The following PAFAH1B1 variants were observed in gnomAD, a reference collection of about 807,000 sequenced individuals.
PAFAH1B1 encodes the protein platelet-activating factor acetylhydrolase IB subunit beta.
A neutral mutation model predicts 57.5 loss-of-function variants in PAFAH1B1; 2 were observed. The ratio of observed to expected loss-of-function variants is 0.03; its 90% CI spans 0.01 to 0.11. The LOEUF is 0.11. Among genes scored for constraint, PAFAH1B1 ranks in the 10% least tolerant of loss-of-function variants. The pLI is 1.00. For missense variants in PAFAH1B1, 257 were observed against 512.0 expected, an observed-to-expected ratio of 0.50 and a Z score of 4.81; for synonymous variants, 152 against 169.6, an observed-to-expected ratio of 0.90 and a Z score of 0.81.
chr17:2,640,778 G>A (rs779335768), intron 2 of PAFAH1B1: 1 of 152,088 alleles, frequency 6.6e-6, no homozygotes, highest in Non-Finnish European at 1.5e-5. Context: ...TTCTTGGCCA[G>A]AATACTACAT....
Position 2,676,514 on chromosome 17 carries a change from A to G in PAFAH1B1, c.910A>G (p.Ser304Gly), listed in dbSNP as rs757738669. The G allele has an allele frequency of 2.5e-6, 4 of 1,608,230 alleles. No individual in the cohort carries two copies. Among genetic ancestry groups the G allele is most frequent in the South Asian group, 1.1e-5 (1 of 90,970 alleles). ...ATTATGTTTTCTGTAGACTAAAAAA[A>G]GTGGTAAACCTGGGCCATTCTTGCT... ...SEATGSETKK[S>G]GKPGPFLLSG... The change falls in exon 9 of 11, where the codon AGT becomes GGT. Residue 304 changes from serine to glycine, a missense_variant. Transcript: ENST00000397195.
intron 1 of PAFAH1B1, among the ~76,000 whole-genome samples, chr17:2,637,585 A>G (rs1032775043): frequency 3.9e-5 from 6 of 152,162 alleles, no homozygotes; most frequent in African/African-American, 1.4e-4. Context: ...CCAAAAAAAC[A>G]ATAAAAAGCG....
chr17:2,646,706 G>C (rs2068774543), intron 2 of PAFAH1B1, among the ~76,000 whole-genome samples: 1 of 152,012 alleles, frequency 6.6e-6, no homozygotes, highest in South Asian at 2.1e-4. Flanking sequence ...GCTTTTTCTA[G>C]GAAAATATGT....
At chr17:2,650,038 G>C (rs1399513745) in intron 2 of PAFAH1B1, among the ~76,000 whole-genome samples, 1 of 152,092 alleles carries the variant, frequency 6.6e-6, no homozygotes, top group Non-Finnish European at 1.5e-5. Flanking sequence ...AGAAACAAAA[G>C]GAAGACTGGT....
At chr17:2,679,895 C>A in intron 9 of PAFAH1B1, 1 of 446,626 alleles carries the variant, frequency 2.2e-6, no homozygotes, top group Non-Finnish European at 4.0e-6. Flanking sequence ...CATTGATAGA[C>A]TACATATTGA....
chr17:2,604,522 A>G (rs1483507836), intron 1 of PAFAH1B1, among the ~76,000 whole-genome samples: 1 of 152,134 alleles, frequency 6.6e-6, no homozygotes, highest in African/African-American at 2.4e-5. Context: ...TGAAGAATGA[A>G]TAATTGGGCC....
At chr17:2,664,816 A>T (rs938888736) in intron 2 of PAFAH1B1, among the ~76,000 whole-genome samples, 1 of 152,116 alleles carries the variant, frequency 6.6e-6, no homozygotes, top group Non-Finnish European at 1.5e-5. Context: ...TCAAGTTCTA[A>T]TTCTAAATGA....
intron 2 of PAFAH1B1, among the ~76,000 whole-genome samples, chr17:2,660,436 T>G (rs1018280179): frequency 1.3e-5 from 2 of 152,094 alleles, no homozygotes; most frequent in Non-Finnish European, 1.5e-5. Flanking sequence ...GGGTGTGTGT[T>G]GTTCCCCTCC....
rs529528465 is a variant in PAFAH1B1 at position 2,617,412 on chromosome 17, T to C, written c.-190-20687T>C. On this transcript the variant is annotated intron_variant, in intron 1 of 10. Coordinates refer to ENST00000397195, the MANE Select transcript of PAFAH1B1 (RefSeq NM_000430.4). ...AAGTATAGTGGTTAGCTGTAACTAA[T>C]AGAAAAGCGAGGAGATGGTGAAGCT... Among the ~76,000 whole-genome samples the C allele has an allele frequency of 1.8e-3, 276 of 152,312 alleles. 1 individual carries two copies. The highest frequency in any genetic ancestry group is 6.3e-3 in the African/African-American group (260 of 41,564).
intron 1 of PAFAH1B1, among the ~76,000 whole-genome samples, chr17:2,620,224 T>C (rs2068401881): frequency 6.6e-6 from 1 of 152,236 alleles, no homozygotes; most frequent in Non-Finnish European, 1.5e-5. Context: ...TTTGGTGAGT[T>C]GATTGTCTAA....
intron 7 of PAFAH1B1, among the ~76,000 whole-genome samples, chr17:2,673,415 G>A (rs1008467047): frequency 5.9e-5 from 9 of 152,058 alleles, no homozygotes; most frequent in South Asian, 4.1e-4. Flanking sequence ...AGAGGCGGGC[G>A]GATCATGAGG....
At chr17:2,594,556 G>C (rs2068063491) in intron 1 of PAFAH1B1, among the ~76,000 whole-genome samples, 1 of 152,170 alleles carries the variant, frequency 6.6e-6, no homozygotes, top group African/African-American at 2.4e-5. Context: ...GTCCCCGACT[G>C]GTCCTTAAGA....
chr17:2,636,965 C>T (rs1190775966), intron 1 of PAFAH1B1, among the ~76,000 whole-genome samples: 1 of 152,092 alleles, frequency 6.6e-6, no homozygotes, highest in Non-Finnish European at 1.5e-5. Context: ...AAGTGATCCT[C>T]TTGCCTTAAC....
At position 2,684,503 on chromosome 17, in the gene PAFAH1B1, C is replaced by T. The variant is rs2069441534; in HGVS notation, c.*2701C>T. 1 of 152,622 alleles carries T rather than the reference C, an allele frequency of 6.6e-6. No individual in the cohort carries two copies. Among genetic ancestry groups the T allele is most frequent in the African/African-American group, 2.4e-5 (1 of 41,428 alleles). The allele number at this position is 152,622 out of a possible 1,614,324, so 9.5% of individuals were successfully genotyped here. ...AATAAAGAGCTGGTAGAATTGCATC[C>T]TCAGATGATTATTGACTGTGTGTGT... On this transcript the variant is annotated 3_prime_UTR_variant, in exon 11 of 11. Transcript: ENST00000397195.
At chr17:2,659,861 C>G (rs575920198) in intron 2 of PAFAH1B1, among the ~76,000 whole-genome samples, 1 of 152,078 alleles carries the variant, frequency 6.6e-6, no homozygotes, top group Non-Finnish European at 1.5e-5. Context: ...GCCTTGTTAC[C>G]TGTTTGAGAC....
At chr17:2,604,538 T>C (rs549766385) in intron 1 of PAFAH1B1, among the ~76,000 whole-genome samples, 1 of 152,162 alleles carries the variant, frequency 6.6e-6, no homozygotes, top group South Asian at 2.1e-4. Context: ...GGGCCAGGCG[T>C]GGTGGCTTAC....
rs534219431 is a variant in PAFAH1B1, at chr17:2,621,607, CTTTTTTTTTTT to C, written c.-190-16466_-190-16456del. ...TATTCAAGCATGGTAGATAATCTGT[CTTTTTTTTTTT>C]TTTTTTTTTTTTTTTTTTTTTTTTT... On this transcript the variant is annotated intron_variant, in intron 1 of 10. Transcript: ENST00000397195. Among the ~76,000 whole-genome samples, 6 of 84,784 alleles carry C rather than the reference CTTTTTTTTTTT, an allele frequency of 7.1e-5. No homozygotes were observed. The East Asian group carries it at 1.0e-3, about 14-fold the overall frequency. The allele number at this position is 84,784 out of a possible 152,430, so 55.6% of individuals were successfully genotyped here.
chr17:2,653,479 A>G lies in PAFAH1B1; in HGVS notation c.33-11893A>G, dbSNP rs1044379321. On this transcript the variant is annotated intron_variant, in intron 2 of 10. Transcript: ENST00000397195. ...TTTGTGATCTATAATAAGGCATGAA[A>G]GTAATTTTTAGATCTTGTTAGTGAC... Among the ~76,000 whole-genome samples the G allele has an allele frequency of 1.2e-4, 19 of 152,092 alleles. 1 individual carries two copies. The highest frequency in any genetic ancestry group is 9.2e-4 in the Admixed American group (14 of 15,266).
At chr17:2,609,386 C>T (rs1019999983) in intron 1 of PAFAH1B1, among the ~76,000 whole-genome samples, 5 of 152,058 alleles carry the variant, frequency 3.3e-5, no homozygotes, top group African/African-American at 1.2e-4. Flanking sequence ...TGTTTATTAT[C>T]GCCCTTGTAT....
Sources: gnomAD v4.1 joint callset for allele counts (sites outside exome capture counted in the v4.1 genomes callset) on GRCh38, gnomAD v4.1.1 for gene constraint, MANE v1.5 for transcripts, NCBI Gene and HGNC (gene_info 2026-07-23, HGNC 2026-07-21) for gene names.